Variants in SLC2A10 observed in about 807,000 individuals in gnomAD.
SLC2A10 encodes solute carrier family 2, facilitated glucose transporter member 10.
SLC2A10 carries 25 observed loss-of-function variants against 32.1 expected under a neutral mutation model. The ratio of observed to expected loss-of-function variants is 0.78; its 90% confidence interval spans 0.57 to 1.09. The LOEUF is 1.09. SLC2A10 is among the 50% of genes least tolerant of loss of function. The probability of loss-of-function intolerance (pLI) is 0.00; values close to 1 mark genes in which losing one functional copy is unlikely to be tolerated. For missense variants in SLC2A10, 673 were observed against 686.5 expected (o/e 0.98, Z 0.22); for synonymous variants, 332 against 309.6 (o/e 1.07, Z -0.76).
intron 1 of SLC2A10, among the ~76,000 whole-genome samples, chr20:46,714,929 C>T (rs1035565821): frequency 6.6e-6 from 1 of 152,186 alleles, no homozygotes; most frequent in African/African-American, 2.4e-5. Context: ...ACCTCTGCCT[C>T]CTGCACCCCA....
intron 2 of SLC2A10, 103 bp downstream of exon 2, chr20:46,726,427 C>T (rs2123052039): frequency 6.6e-7 from 1 of 1,517,622 alleles, no homozygotes; most frequent in Non-Finnish European, 8.9e-7. Context: ...GTCAGTGGGG[C>T]ACTAGAGGTG....
In SLC2A10 at chr20:46,734,086, T is replaced by C. The variant is rs1980445737; in HGVS notation, c.*252T>C. On this transcript the variant is annotated 3_prime_UTR_variant, in exon 5 of 5. Transcript: ENST00000359271. ...CTCAGTTTCCCCATTGACTTGCACA[T>C]CTCTGCAGTATTTATAAGAAGAATA... The C allele has an allele frequency of 1.8e-6, 1 of 571,380 alleles. No individual in the cohort carries two copies. 35.4% of individuals were successfully genotyped at this position (571,380 alleles called of 1,614,324 possible). A position where few individuals can be genotyped will look rare whatever the true frequency, so the allele number is the denominator to read the frequency against.
chr20:46,723,346 G>A (rs1031196210), intron 1 of SLC2A10, among the ~76,000 whole-genome samples: 2 of 151,858 alleles, frequency 1.3e-5, no homozygotes, highest in African/African-American at 4.8e-5. Flanking sequence ...TTTTTTCAAT[G>A]TCCCACCAAA....
Position 46,725,628 on chromosome 20 carries a change from C to T in SLC2A10, c.592C>T (p.Leu198Phe), listed in dbSNP as rs1405840000. The change falls in exon 2 of 5, where the codon CTC (leucine) becomes TTC (phenylalanine). Residue 198 changes from leucine to phenylalanine, a missense_variant. By Grantham distance (22) the Leu-to-Phe change is conservative (BLOSUM62 0). Coordinates refer to ENST00000359271, the MANE Select transcript of SLC2A10 (RefSeq NM_030777.4). ...AGATGAGACTGCAACACACAAGGAC[C>T]TCATCCCACTCCAGGGAGGTGAGGC... ...GTDETATHKD[L>F]IPLQGGEAPK... 3 of 1,614,158 alleles carry T rather than the reference C, an allele frequency of 1.9e-6. No homozygotes were observed. The highest frequency in any genetic ancestry group is 2.5e-6 in the Non-Finnish European group (3 of 1,180,022).
chr20:46,725,660 G>A lies in SLC2A10; in HGVS notation c.624G>A (p.Lys208=). The A allele has an allele frequency of 6.2e-7, 1 of 1,613,996 alleles. No individual in the cohort carries two copies. Among genetic ancestry groups the A allele is most frequent in the Non-Finnish European group, 8.5e-7 (1 of 1,179,956 alleles). Residue 208 remains lysine, a synonymous_variant, in exon 2 of 5, where the codon AAG becomes AAA. Coordinates refer to ENST00000359271, the MANE Select transcript of SLC2A10 (RefSeq NM_030777.4). ...CACTCCAGGGAGGTGAGGCCCCCAAGCTGGGCCCGGGGAGGCCACGGTACT... is the reference window on the plus strand; with the variant it reads ...CACTCCAGGGAGGTGAGGCCCCCAAACTGGGCCCGGGGAGGCCACGGTACT... ...LIPLQGGEAP[K]LGPGRPRYSF...
Position 46,725,361 on chromosome 20 carries a change from G to A in SLC2A10, c.325G>A (p.Gly109Ser). ...AWLVLGRAVV[G>S]FAISLSSMAC... ...GCTGGTCCTGGGCCGCGCTGTGGTT[G>A]GCTTCGCCATTTCCCTCTCCTCCAT... Residue 109 changes from glycine to serine, a missense_variant, in exon 2 of 5, where the codon GGC becomes AGC. By Grantham distance (56) the Gly-to-Ser change is moderately conservative. Transcript: ENST00000359271. 1 of 1,614,118 alleles carries A rather than the reference G, an allele frequency of 6.2e-7. No individual in the cohort carries two copies. Among genetic ancestry groups the A allele is most frequent in the Non-Finnish European group, 8.5e-7 (1 of 1,180,036 alleles).
chr20:46,724,862 G>GTGGATGGA (rs1459837898), intron 1 of SLC2A10, among the ~76,000 whole-genome samples, 179 bp from the exon 2 acceptor site: 19 of 48,216 alleles, frequency 3.9e-4, no homozygotes, highest in African/African-American at 1.4e-3. Context: ...AATTGATGGA[G>GTGGATGGA]TGGATGGATG....
In SLC2A10 at chr20:46,734,230, A is replaced by T; in HGVS notation, c.*396A>T. 8.3e-6 allele frequency: 2 copies of T among 241,836 alleles called. No individual in the cohort carries two copies. Among genetic ancestry groups the T allele is most frequent in the South Asian group, 1.1e-4 (2 of 17,628 alleles). The allele number at this position is 241,836 out of a possible 1,614,324, so 15.0% of individuals were successfully genotyped here. A position where few individuals can be genotyped will look rare whatever the true frequency, so the allele number is the denominator to read the frequency against. On this transcript the variant is annotated 3_prime_UTR_variant, in exon 5 of 5. Coordinates refer to ENST00000359271, the MANE Select transcript of SLC2A10 (RefSeq NM_030777.4). ...TCCAAATGAGGATATCATCTTTTCT[A>T]ATCTCTTTTTTCAACTGGCTGGGAC... is the stretch of plus-strand genomic sequence containing the variant.
Position 46,729,363 on chromosome 20 carries a change from C to G in SLC2A10, c.1422C>G (p.Gly474=), listed in dbSNP as rs369038923. The part of the protein sequence containing the change: ...LSFLDLIGTI[G]LSWTFLLYGL... ...CCCTCCTGTTTCCAGGCACCATCGG[C>G]TTGTCCTGGACCTTCCTGCTCTACG... is the stretch of plus-strand genomic sequence containing the variant. The change falls in exon 4 of 5, where the codon GGC becomes GGG. Residue 474 remains glycine (G), a synonymous_variant. Transcript: ENST00000359271. The G allele has an allele frequency of 6.2e-7, 1 of 1,613,814 alleles. No homozygotes were observed. Among genetic ancestry groups the G allele is most frequent in the African/African-American group, 1.3e-5 (1 of 75,042 alleles).
At chr20:46,718,058 C>CA (rs949164550) in intron 1 of SLC2A10, among the ~76,000 whole-genome samples, 1 of 151,760 alleles carries the variant, frequency 6.6e-6, no homozygotes, top group Non-Finnish European at 1.5e-5. Flanking sequence ...CCCACCTCTT[C>CA]AAAAAAATCA....
chr20:46,733,612 AT>A, intron 4 of SLC2A10, 143 bp from the exon 5 acceptor site: 1 of 729,252 alleles, frequency 1.4e-6, no homozygotes, highest in Non-Finnish European at 2.5e-6. Flanking sequence ...GAAGGTGGAC[AT>A]TTGTAATAAG....
At chr20:46,721,383 C>T (rs942172836) in intron 1 of SLC2A10, among the ~76,000 whole-genome samples, 5 of 150,784 alleles carry the variant, frequency 3.3e-5, no homozygotes, top group Admixed American at 6.6e-5. Context: ...GTCCTGTCCT[C>T]ACTACTATAT....
chr20:46,727,402 C>T (rs1161674460), intron 3 of SLC2A10, among the ~76,000 whole-genome samples: 4 of 152,140 alleles, frequency 2.6e-5, no homozygotes, highest in African/African-American at 9.7e-5. Context: ...CTCACTGCAA[C>T]CTCCACCTCC....
chr20:46,723,468 T>C (rs1039415584), intron 1 of SLC2A10, among the ~76,000 whole-genome samples: 2 of 152,200 alleles, frequency 1.3e-5, no homozygotes, highest in African/African-American at 4.8e-5. Context: ...GAATGGACAT[T>C]GATTGGGCCA....
In SLC2A10 at chr20:46,733,798, C is replaced by T; in HGVS notation, c.1590C>T (p.Ile530=). ...SFGHRQNSTG[I]PYSRIEISAA... Reference sequence around the variant, plus strand: ...GCCACAGGCAGAACTCCACTGGCATCCCGTACAGCCGCATCGAGATCTCTG... The same window carrying T: ...GCCACAGGCAGAACTCCACTGGCATTCCGTACAGCCGCATCGAGATCTCTG... Residue 530 remains isoleucine (I), a synonymous_variant, in exon 5 of 5, where the codon ATC becomes ATT. Coordinates refer to ENST00000359271, the MANE Select transcript of SLC2A10 (RefSeq NM_030777.4). 2 of 1,614,192 alleles carry T rather than the reference C, an allele frequency of 1.2e-6. No individual in the cohort carries two copies. Among genetic ancestry groups the T allele is most frequent in the Non-Finnish European group, 1.7e-6 (2 of 1,180,028 alleles).
chr20:46,731,947 C>T (rs1348283494), intron 4 of SLC2A10, among the ~76,000 whole-genome samples: 2 of 152,164 alleles, frequency 1.3e-5, no homozygotes, highest in Non-Finnish European at 2.9e-5. Context: ...ACCTCCTAAC[C>T]CCTAACTTAG....
chr20:46,718,090 G>A (rs1979355965), intron 1 of SLC2A10, among the ~76,000 whole-genome samples: 1 of 152,038 alleles, frequency 6.6e-6, no homozygotes, highest in East Asian at 1.9e-4. Context: ...TGGCATGGTG[G>A]TGCATGTCTA....
chr20:46,724,875 C>CGGATGGATGGATGGATGGATGGAT (rs3092014), intron 1 of SLC2A10, among the ~76,000 whole-genome samples, 166 bp from the exon 2 acceptor site: 20 of 139,874 alleles, frequency 1.4e-4, no homozygotes, highest in Admixed American at 4.2e-4. Context: ...GATGGATGGA[C>CGGATGGATGGATGGATGGATGGAT]GGATGGATGG....
At chr20:46,726,477 G>A (rs995883947) in intron 2 of SLC2A10, among the ~76,000 whole-genome samples, 153 bp downstream of exon 2, 1 of 152,158 alleles carries the variant, frequency 6.6e-6, no homozygotes, top group African/African-American at 2.4e-5. Flanking sequence ...CTTACCTGCA[G>A]TTGCTCCTCC....
Sources: gnomAD v4.1 joint callset for allele counts (sites outside exome capture counted in the v4.1 genomes callset) on GRCh38, gnomAD v4.1.1 for gene constraint, MANE v1.5 for transcripts, NCBI Gene and HGNC (gene_info 2026-07-23, HGNC 2026-07-21) for gene names.